STMP1: variants seen among roughly 807,000 people sequenced by gnomAD.
The protein encoded by STMP1 is short transmembrane mitochondrial protein 1.
A neutral mutation model predicts 7.0 loss-of-function variants in STMP1; 7 were observed. That is an observed-to-expected ratio of 1.01 (90% CI 0.57 to 1.89). The LOEUF is 1.89. STMP1 is among the 40% of genes most tolerant of loss of function. The pLI is 0.00. For synonymous variants in STMP1, 19 were observed against 18.4 expected, an observed-to-expected ratio of 1.03 and a Z score of -0.08; for missense variants, 45 against 53.0, an observed-to-expected ratio of 0.85 and a Z score of 0.47.
chr7:135,663,547 T>C (rs571057574), intron 1 of STMP1, among the ~76,000 whole-genome samples: 1 of 152,264 alleles, frequency 6.6e-6, no homozygotes, highest in African/African-American at 2.4e-5. Flanking sequence ...TTTCACCAAG[T>C]TGGCCAGGCT....
At chr7:135,671,843 C>G (rs1795359892) in intron 1 of STMP1, among the ~76,000 whole-genome samples, 1 of 152,150 alleles carries the variant, frequency 6.6e-6, no homozygotes, top group Admixed American at 6.5e-5. Flanking sequence ...TGTAGATTGT[C>G]CTGTCCTCCT....
In STMP1 at chr7:135,674,125, A is replaced by G. The variant is rs1437500534; in HGVS notation, c.104A>G (p.Lys35Arg). The G allele has an allele frequency of 5.2e-6, 8 of 1,551,008 alleles. No individual in the cohort carries two copies. The change falls in exon 3 of 3, where the codon AAA becomes AGA. Residue 35 changes from lysine to arginine, a missense_variant. Physicochemically the swap from Lys to Arg is conservative, Grantham distance 26. Transcript: ENST00000507606. ...PNLAKKLEEI[K>R]KDLDAKKKPP... ...CTGGCTAAAAAACTTGAAGAAATTA[A>G]AAAGGACTTGGATGCCAAGAAGAAA...
At chr7:135,667,122 A>G (rs1795303053) in intron 1 of STMP1, among the ~76,000 whole-genome samples, 1 of 152,182 alleles carries the variant, frequency 6.6e-6, no homozygotes, top group Admixed American at 6.5e-5. Flanking sequence ...TCAGTGACTA[A>G]TGTTGAGCAT....
chr7:135,663,341 TTTTTTTA>T (rs1374294205), intron 1 of STMP1, among the ~76,000 whole-genome samples: 1 of 152,210 alleles, frequency 6.6e-6, no homozygotes, highest in Non-Finnish European at 1.5e-5. Context: ...AACCTCTATT[TTTTTTTA>T]TTTTTTATTT....
rs1795414996 is a variant in STMP1 at position 135,676,328 on chromosome 7, G to A, written c.*2163G>A. The A allele has an allele frequency of 6.6e-6, 1 of 152,160 alleles. No homozygotes were observed. The highest frequency in any genetic ancestry group is 1.5e-5 in the Non-Finnish European group (1 of 68,028). The allele number at this position is 152,160 out of a possible 1,614,324, so 9.4% of individuals were successfully genotyped here. A position where few individuals can be genotyped will look rare whatever the true frequency, so the allele number is the denominator to read the frequency against. ...CGTGGACGTAAATATCCACCTCATA[G>A]GGTTTTCATAAAAAATAATTGAGAT... On this transcript the variant is annotated 3_prime_UTR_variant, in exon 3 of 3. Transcript: ENST00000507606.
Position 135,674,439 on chromosome 7 carries a change from C to G in STMP1, c.*274C>G. The stretch of plus-strand genomic sequence containing the variant: ...TATGGTGCTAGATTAGTAAACATGA[C>G]TTTTAATGAGTAGTGTCTTCTTTAT... On this transcript the variant is annotated 3_prime_UTR_variant, in exon 3 of 3. Transcript: ENST00000507606. 1 of 345,430 alleles carries G rather than the reference C, an allele frequency of 2.9e-6. No individual in the cohort carries two copies. The highest frequency in any genetic ancestry group is 5.2e-6 in the Non-Finnish European group (1 of 191,930). 21.4% of individuals were successfully genotyped at this position (345,430 alleles called of 1,614,324 possible).
intron 1 of STMP1, among the ~76,000 whole-genome samples, chr7:135,672,336 A>G (rs1795364198): frequency 6.6e-6 from 1 of 152,262 alleles, no homozygotes; most frequent in African/African-American, 2.4e-5. Context: ...GAATAACAAT[A>G]TCCATAACCA....
Position 135,672,794 on chromosome 7 carries a change from T to G in STMP1, c.57T>G (p.Ala19=). The G allele has an allele frequency of 6.4e-7, 1 of 1,551,598 alleles. No homozygotes were observed. The highest frequency in any genetic ancestry group is 1.2e-5 in the South Asian group (1 of 84,058). The part of the protein sequence containing the change: ...TLGNVVGMYL[A]QNYDIPNLAK... The stretch of plus-strand genomic sequence containing the variant: ...GCAACGTGGTTGGAATGTATCTGGC[T>G]CAGAACTATGATGTAAGTGGCCATA... Residue 19 remains alanine (A), a synonymous_variant, in exon 2 of 3, where the codon GCT becomes GCG. Coordinates refer to ENST00000507606, the MANE Select transcript of STMP1 (RefSeq NM_001130929.2).
In STMP1 at chr7:135,674,439, CTT is replaced by C. The variant is rs977992214; in HGVS notation, c.*277_*278del. On this transcript the variant is annotated 3_prime_UTR_variant, in exon 3 of 3. Coordinates refer to ENST00000507606, the MANE Select transcript of STMP1 (RefSeq NM_001130929.2). ...TATGGTGCTAGATTAGTAAACATGA[CTT>C]TTAATGAGTAGTGTCTTCTTTATCG... The C allele has an allele frequency of 2.0e-5, 7 of 345,312 alleles. No individual in the cohort carries two copies. Among genetic ancestry groups the C allele is most frequent in the African/African-American group, 1.5e-4 (7 of 47,356 alleles). The allele number at this position is 345,312 out of a possible 1,614,324, so 21.4% of individuals were successfully genotyped here.
intron 1 of STMP1, among the ~76,000 whole-genome samples, chr7:135,664,393 T>G (rs1004351494): frequency 6.8e-6 from 1 of 147,322 alleles, no homozygotes; most frequent in African/African-American, 2.5e-5. Context: ...CTTTGTCACC[T>G]AGGCTAGAGT....
intron 1 of STMP1, among the ~76,000 whole-genome samples, chr7:135,666,588 C>T (rs1310045485): frequency 2.0e-5 from 3 of 152,026 alleles, no homozygotes; most frequent in Admixed American, 6.6e-5. Flanking sequence ...GTGATCTGCC[C>T]GCCTCTGCCT....
intron 1 of STMP1, among the ~76,000 whole-genome samples, chr7:135,667,455 C>T (rs1795308897): frequency 6.6e-6 from 1 of 152,152 alleles, no homozygotes; most frequent in Non-Finnish European, 1.5e-5. Flanking sequence ...TCAGGTGATC[C>T]CCCAACCTTG....
chr7:135,671,092 C>T (rs1027416270), intron 1 of STMP1, among the ~76,000 whole-genome samples: 2 of 152,126 alleles, frequency 1.3e-5, no homozygotes, highest in East Asian at 1.9e-4. Context: ...TACCTGGTTT[C>T]AACCCATAGG....
rs1795384897 is a variant in STMP1, at chr7:135,674,121, A to G, written c.100A>G (p.Ile34Val). Residue 34 changes from isoleucine (I) to valine (V), a missense_variant, in exon 3 of 3, where the codon ATT becomes GTT. Ile to Val is a conservative substitution (Grantham distance 29). Transcript: ENST00000507606. ...IPNLAKKLEE[I>V]KKDLDAKKKP... is the part of the protein sequence containing the mutation. Reference sequence around the variant, plus strand: ...AAACCTGGCTAAAAAACTTGAAGAAATTAAAAAGGACTTGGATGCCAAGAA... The same window carrying G: ...AAACCTGGCTAAAAAACTTGAAGAAGTTAAAAAGGACTTGGATGCCAAGAA... 2.6e-6 allele frequency: 4 copies of G among 1,551,170 alleles called. No homozygotes were observed. Among genetic ancestry groups the G allele is most frequent in the Non-Finnish European group, 3.5e-6 (4 of 1,146,876 alleles).
intron 1 of STMP1, among the ~76,000 whole-genome samples, chr7:135,664,041 A>G (rs183768257): frequency 9.9e-5 from 15 of 151,564 alleles, no homozygotes; most frequent in Admixed American, 3.9e-4. Flanking sequence ...AATTAGTCAA[A>G]AGAGTGTCCT....
intron 1 of STMP1, among the ~76,000 whole-genome samples, chr7:135,672,490 T>C (rs1245116648): frequency 6.6e-6 from 1 of 152,224 alleles, no homozygotes; most frequent in Non-Finnish European, 1.5e-5. Context: ...CCATTTATTC[T>C]TTTTTGTTGT....
intron 1 of STMP1, among the ~76,000 whole-genome samples, chr7:135,672,057 G>A (rs2129493336): frequency 6.6e-6 from 1 of 152,314 alleles, no homozygotes; most frequent in Admixed American, 6.5e-5. Context: ...TCAGCTCACT[G>A]TAACCTCTGC....
At position 135,675,623 on chromosome 7, in the gene STMP1, C is replaced by A. The variant is rs1425786472; in HGVS notation, c.*1458C>A. On this transcript the variant is annotated 3_prime_UTR_variant, in exon 3 of 3. Transcript: ENST00000507606. ...GTATAATTTAGACTAAATACAAATA[C>A]CCATTTCGCTAGCTGTTTTGTTTCA... 6.6e-6 allele frequency: 1 copy of A among 152,098 alleles called. No individual in the cohort carries two copies. The highest frequency in any genetic ancestry group is 2.4e-5 in the African/African-American group (1 of 41,404). The allele number at this position is 152,098 out of a possible 1,614,324, so 9.4% of individuals were successfully genotyped here.
chr7:135,666,245 A>T (rs1284795803), intron 1 of STMP1, among the ~76,000 whole-genome samples: 1 of 151,534 alleles, frequency 6.6e-6, no homozygotes, highest in African/African-American at 2.4e-5. Context: ...TTTTCCCTTT[A>T]TCCTTTTTGC....
Sources: gnomAD v4.1 joint callset for allele counts (sites outside exome capture counted in the v4.1 genomes callset) on GRCh38, gnomAD v4.1.1 for gene constraint, MANE v1.5 for transcripts, NCBI Gene and HGNC (gene_info 2026-07-23, HGNC 2026-07-21) for gene names.